Variants in PIEZO1 observed in about 807,000 individuals in gnomAD.
PIEZO1 encodes the protein piezo-type mechanosensitive ion channel component 1.
PIEZO1 carries 296 observed loss-of-function variants against 297.2 expected under a neutral mutation model. The observed-to-expected ratio is 1.00, with a 90% confidence interval of 0.91 to 1.10. The LOEUF (loss-of-function observed/expected upper bound fraction) is 1.10. Ranked by LOEUF, PIEZO1 falls within the 50% of genes least tolerant of loss-of-function variation. The pLI is 0.00. For missense variants in PIEZO1, 5,018 were observed against 3,455.5 expected (o/e 1.45, Z -11.34); for synonymous variants, 2,427 against 1,507.5 (o/e 1.61, Z -14.13).
Position 88,734,355 on chromosome 16 carries a change from C to T in PIEZO1, c.2180+1G>A. 1.3e-6 allele frequency: 2 copies of T among 1,525,636 alleles called. No individual in the cohort carries two copies. Among genetic ancestry groups the T allele is most frequent in the African/African-American group, 1.4e-5 (1 of 72,814 alleles). 94.5% of individuals were successfully genotyped at this position (1,525,636 alleles called of 1,614,324 possible). On this transcript the variant is annotated splice_donor_variant, in intron 16 of 50. Transcript: ENST00000301015. LOFTEE classifies it high-confidence loss of function. ...GCCGGACAGGGAGGGCGGGGCCGCA[C>T]CTGTGAGCCCAGCGCGGGAGGCGCG...
In PIEZO1 at chr16:88,764,972, C is replaced by T. The variant is rs1015000805; in HGVS notation, c.65-15493G>A. Among the ~76,000 whole-genome samples, 3 of 152,332 alleles carry T rather than the reference C, an allele frequency of 2.0e-5. No individual in the cohort carries two copies. The South Asian group carries it at 6.2e-4, about 32-fold the overall frequency. On this transcript the variant is annotated intron_variant, in intron 1 of 50. Coordinates refer to ENST00000301015, the MANE Select transcript of PIEZO1 (RefSeq NM_001142864.4). The stretch of plus-strand genomic sequence containing the variant: ...TGAAAACCTCCCGGTAGCCGCCTCT[C>T]AGGAGCACTGCCTTCTCAACACAGC...
chr16:88,761,740 C>T (rs555984096), intron 1 of PIEZO1, among the ~76,000 whole-genome samples: 1 of 152,038 alleles, frequency 6.6e-6, no homozygotes, highest in East Asian at 1.9e-4. Flanking sequence ...TCCTGACCCT[C>T]CCCACTGCCC....
chr16:88,727,462 C>T lies in PIEZO1; in HGVS notation c.3301+95G>A, dbSNP rs541820619. ...CCATGTGCCTGACCACACCTCCGCC[C>T]GTGCACGCCTGTGTGCACACTTGTG... On this transcript the variant is annotated intron_variant, in intron 23 of 50. Transcript: ENST00000301015. The T allele has an allele frequency of 1.7e-4, 108 of 644,546 alleles. No homozygotes were observed. In the East Asian group the frequency reaches 2.9e-3, roughly 17 times the overall value. The allele number at this position is 644,546 out of a possible 1,614,324, so 39.9% of individuals were successfully genotyped here.
chr16:88,725,445 A>C lies in PIEZO1; in HGVS notation c.4133T>G (p.Leu1378Arg). 6.7e-7 allele frequency: 1 copy of C among 1,483,998 alleles called. No homozygotes were observed. The allele number at this position is 1,483,998 out of a possible 1,614,324, so 91.9% of individuals were successfully genotyped here. A position where few individuals can be genotyped will look rare whatever the true frequency, so the allele number is the denominator to read the frequency against. The change falls in exon 29 of 51, where the codon CTG becomes CGG. Residue 1378 changes from leucine to arginine, a missense_variant. Transcript: ENST00000301015. ...RVDRSRPQDT[L>R]GPKDPGLEPG... ...CTCCAGGCCGGGGTCCTTGGGGCCC[A>C]GGGTGTCCTGGGGGCGACTGCGGTC...
chr16:88,736,705 A>G lies in PIEZO1; in HGVS notation c.1230T>C (p.Ser410=), dbSNP rs1042718838. 2.0e-5 allele frequency: 30 copies of G among 1,532,758 alleles called. No individual in the cohort carries two copies. Among genetic ancestry groups the G allele is most frequent in the Non-Finnish European group, 2.4e-5 (28 of 1,145,486 alleles). 94.9% of individuals were successfully genotyped at this position (1,532,758 alleles called of 1,614,324 possible). Residue 410 remains serine, a synonymous_variant, in exon 11 of 51, where the codon TCT becomes TCC. Coordinates refer to ENST00000301015, the MANE Select transcript of PIEZO1 (RefSeq NM_001142864.4). ...TGAGGTGGCCCAGGCTGTGGAGCGG[A>G]GACGCCTCCCTGGGCTCAGCCCGCT... The part of the protein sequence containing the change: ...RPKRAEPREA[S]PLHSLGHLIM...
At chr16:88,761,831 G>A (rs1944224897) in intron 1 of PIEZO1, among the ~76,000 whole-genome samples, 1 of 151,966 alleles carries the variant, frequency 6.6e-6, no homozygotes, top group African/African-American at 2.4e-5. Flanking sequence ...AGGCCTCAGA[G>A]TTTTTCTGTG....
intron 1 of PIEZO1, among the ~76,000 whole-genome samples, chr16:88,774,211 C>T (rs1236060630): frequency 6.6e-6 from 1 of 152,228 alleles, no homozygotes; most frequent in Non-Finnish European, 1.5e-5. Flanking sequence ...CGCCCAGTGA[C>T]TCCCTGACCA....
chr16:88,752,822 G>A (rs550692050), intron 1 of PIEZO1, among the ~76,000 whole-genome samples: 34 of 152,236 alleles, frequency 2.2e-4, no homozygotes, highest in African/African-American at 8.2e-4. Flanking sequence ...CCCACCACGG[G>A]CCTGCCCTGG....
chr16:88,744,753 G>A (rs965162205), intron 2 of PIEZO1, among the ~76,000 whole-genome samples: 3 of 151,928 alleles, frequency 2.0e-5, no homozygotes, highest in Admixed American at 6.6e-5. Flanking sequence ...CCGCAGGGTC[G>A]AAGGGGCCGC....
chr16:88,733,664 A>G lies in PIEZO1; in HGVS notation c.2411T>C (p.Val804Ala), dbSNP rs1211768487. Residue 804 changes from valine (V) to alanine (A), a missense_variant, in exon 18 of 51, where the codon GTG (valine) becomes GCG (alanine). Transcript: ENST00000301015. ...AAGCTCCAGCAGCCGCCGCAGGAACACCTGCACGCGTGAGAGGACGTCCGA... is the reference window on the plus strand; with the variant it reads ...AAGCTCCAGCAGCCGCCGCAGGAACGCCTGCACGCGTGAGAGGACGTCCGA... ...GFSDVLSRVQ[V>A]FLRRLLELHV... The G allele has an allele frequency of 1.3e-6, 2 of 1,549,684 alleles. No homozygotes were observed. Among genetic ancestry groups the G allele is most frequent in the Middle Eastern group, 1.7e-4 (1 of 6,012 alleles).
intron 22 of PIEZO1, chr16:88,731,254 G>A (rs538076103): frequency 1.6e-5 from 3 of 191,232 alleles, no homozygotes; most frequent in Non-Finnish European, 3.3e-5. Flanking sequence ...GGCCGGGGCT[G>A]TTTGAATGCA....
Position 88,725,534 on chromosome 16 carries a change from G to A in PIEZO1, c.4059-15C>T. ...TACGCTCCATCCTGTGGTGGGGAAAGGTGGGGTATGCTGAGCATTGGGGGG... is the reference window on the plus strand; with the variant it reads ...TACGCTCCATCCTGTGGTGGGGAAAAGTGGGGTATGCTGAGCATTGGGGGG... On this transcript the variant is annotated splice_polypyrimidine_tract_variant and intron_variant, in intron 28 of 50. Transcript: ENST00000301015. The A allele has an allele frequency of 1.3e-6, 2 of 1,537,492 alleles. No homozygotes were observed. Among genetic ancestry groups the A allele is most frequent in the South Asian group, 1.2e-5 (1 of 82,894 alleles).
chr16:88,740,134 C>T (rs1357815807), intron 5 of PIEZO1: 1 of 152,256 alleles, frequency 6.6e-6, no homozygotes, highest in South Asian at 2.1e-4. Context: ...ACCCCTCGGG[C>T]TGGCTGGCAC....
intron 27 of PIEZO1, 113 bp from the exon 28 acceptor site, chr16:88,725,797 G>C: frequency 3.0e-6 from 2 of 664,548 alleles, no homozygotes. Flanking sequence ...CTCTGCCCAC[G>C]CTGGACAAGA....
At chr16:88,731,306 C>T (rs780530546) in intron 22 of PIEZO1, 24 of 230,708 alleles carry the variant, frequency 1.0e-4, no homozygotes, top group Non-Finnish European at 1.9e-4. Context: ...GACGGGACCA[C>T]GGGTGTGGGG....
At chr16:88,732,849 C>T (rs963097917) in intron 19 of PIEZO1, 117 bp from the exon 20 acceptor site, 8 of 1,067,568 alleles carry the variant, frequency 7.5e-6, no homozygotes, top group Middle Eastern at 3.1e-4. Flanking sequence ...GCCAGGGACA[C>T]GGGGGCTGCC....
chr16:88,722,451 CT>C (rs1904286769), intron 35 of PIEZO1, 54 bp from the exon 36 acceptor site: 5 of 1,459,778 alleles, frequency 3.4e-6, no homozygotes, highest in Non-Finnish European at 4.5e-6. Context: ...TGACCCCAGG[CT>C]ACAGGGAGGG....
chr16:88,763,942 C>T (rs1406282366), intron 1 of PIEZO1, among the ~76,000 whole-genome samples: 5 of 152,162 alleles, frequency 3.3e-5, no homozygotes, highest in Admixed American at 2.0e-4. Flanking sequence ...CACACAGGGT[C>T]GGCACGCAGG....
chr16:88,735,122 G>A lies in PIEZO1; in HGVS notation c.1669+13C>T, dbSNP rs1221250301. 6.5e-7 allele frequency: 1 copy of A among 1,549,640 alleles called. No homozygotes were observed. Among genetic ancestry groups the A allele is most frequent in the Non-Finnish European group, 8.7e-7 (1 of 1,146,300 alleles). ...GGCAGGAGGGCAACCCCCGCCTCTG[G>A]CCCACCACTCACCTGTGTCTGCCAC... On this transcript the variant is annotated intron_variant, in intron 13 of 50. Coordinates refer to ENST00000301015, the MANE Select transcript of PIEZO1 (RefSeq NM_001142864.4).
Sources: allele counts gnomAD v4.1 joint callset (sites outside exome capture counted in the v4.1 genomes callset), GRCh38; gene constraint gnomAD v4.1.1; transcripts MANE v1.5; gene names NCBI Gene and HGNC (gene_info 2026-07-23, HGNC 2026-07-21).